SLC25A17: variants seen among roughly 807,000 people sequenced by gnomAD.
SLC25A17 encodes the protein peroxisomal membrane protein PMP34.
In SLC25A17, 26 loss-of-function variants were observed where a neutral mutation model predicts 38.5. The observed-to-expected ratio is 0.68, with a 90% CI of 0.50 to 0.94. SLC25A17 has a LOEUF of 0.94. Ranked by LOEUF, SLC25A17 falls within the 40% of genes least tolerant of loss-of-function variation. SLC25A17 has a pLI of 0.00. For missense variants in SLC25A17, 333 were observed against 372.7 expected (o/e 0.89, Z 0.88); for synonymous variants, 139 against 136.2 (o/e 1.02, Z -0.14).
intron 1 of SLC25A17, among the ~76,000 whole-genome samples, chr22:40,803,219 G>A (rs2057498627): frequency 6.6e-6 from 1 of 152,074 alleles, no homozygotes; most frequent in Non-Finnish European, 1.5e-5. Flanking sequence ...TCAGATTCCC[G>A]AGTAGCTGGA....
intron 4 of SLC25A17, among the ~76,000 whole-genome samples, chr22:40,781,816 C>T (rs2057297164): frequency 6.6e-6 from 1 of 152,158 alleles, no homozygotes; most frequent in Non-Finnish European, 1.5e-5. Flanking sequence ...CAAAGGTCAG[C>T]ATTCCACTGA....
At chr22:40,777,984 G>C (rs2057261789) in intron 5 of SLC25A17, among the ~76,000 whole-genome samples, 1 of 152,048 alleles carries the variant, frequency 6.6e-6, no homozygotes, top group African/African-American at 2.4e-5. Flanking sequence ...ACAGAACTGT[G>C]AACTGAGCCC....
chr22:40,812,062 T>C (rs993369989), intron 1 of SLC25A17, among the ~76,000 whole-genome samples: 1 of 152,026 alleles, frequency 6.6e-6, no homozygotes, highest in Non-Finnish European at 1.5e-5. Context: ...TCTTTCTTTT[T>C]AACTTATTTA....
chr22:40,818,944 G>A (rs973026136), intron 1 of SLC25A17, among the ~76,000 whole-genome samples: 1 of 152,044 alleles, frequency 6.6e-6, no homozygotes, highest in East Asian at 1.9e-4. Context: ...GACCCTGAGC[G>A]GGCACGTGTG....
intron 1 of SLC25A17, among the ~76,000 whole-genome samples, chr22:40,810,306 G>A (rs1261313251): frequency 6.6e-6 from 1 of 151,080 alleles, no homozygotes; most frequent in African/African-American, 2.4e-5. Flanking sequence ...ATATCACTAA[G>A]CTTCAACAAT....
intron 8 of SLC25A17, among the ~76,000 whole-genome samples, chr22:40,771,376 C>T (rs2145638422): frequency 6.6e-6 from 1 of 152,310 alleles, no homozygotes; most frequent in East Asian, 1.9e-4. Flanking sequence ...TCCCAAAGTG[C>T]TGGGATTACA....
chr22:40,774,232 T>C (rs1443458002), intron 7 of SLC25A17, among the ~76,000 whole-genome samples: 1 of 151,868 alleles, frequency 6.6e-6, no homozygotes, highest in African/African-American at 2.4e-5. Context: ...TTTCCTTTTT[T>C]TTTTTTTTTG....
chr22:40,786,014 C>T (rs528858710), intron 4 of SLC25A17, among the ~76,000 whole-genome samples: 16 of 152,034 alleles, frequency 1.1e-4, no homozygotes, highest in Non-Finnish European at 1.9e-4. Context: ...AGTGACAGAT[C>T]AGTTAGGAGG....
At chr22:40,816,896 C>T (rs1389967319) in intron 1 of SLC25A17, among the ~76,000 whole-genome samples, 1 of 151,972 alleles carries the variant, frequency 6.6e-6, no homozygotes, top group Non-Finnish European at 1.5e-5. Context: ...CAGGCGTGAG[C>T]CACCGCACCC....
At position 40,779,103 on chromosome 22, in the gene SLC25A17, T is replaced by C. The variant is rs780385203; in HGVS notation, c.357A>G (p.Thr119=). 3 of 1,614,216 alleles carry C rather than the reference T, an allele frequency of 1.9e-6. No homozygotes were observed. Among genetic ancestry groups the C allele is most frequent in the South Asian group, 2.2e-5 (2 of 91,074 alleles). The change falls in exon 5 of 9, where the codon ACA becomes ACG. Residue 119 remains threonine (T), a synonymous_variant. Coordinates refer to ENST00000435456, the MANE Select transcript of SLC25A17 (RefSeq NM_006358.4). ...TGGTGTTTACCACCCAGAGTGGAGT[T>C]GTTAGCAACACATTAACCACTCCTT... ...FVAGVVNVLL[T]TPLWVVNTRL...
rs567484671 is a variant in SLC25A17 at position 40,796,288 on chromosome 22, G to T, written c.116-1708C>A. Among the ~76,000 whole-genome samples the T allele has an allele frequency of 1.2e-4, 19 of 152,244 alleles. No individual in the cohort carries two copies. The East Asian group carries it at 3.7e-3, about 29-fold the overall frequency. ...ATATGCAAATTAACCAATTTCCTAA[G>T]AATTAAAATTGGTACCAGTATGGCT... is the stretch of plus-strand genomic sequence containing the variant. On this transcript the variant is annotated intron_variant, in intron 2 of 8. Coordinates refer to ENST00000435456, the MANE Select transcript of SLC25A17 (RefSeq NM_006358.4).
At chr22:40,782,187 T>G (rs2057300781) in intron 4 of SLC25A17, among the ~76,000 whole-genome samples, 1 of 151,770 alleles carries the variant, frequency 6.6e-6, no homozygotes, top group Admixed American at 6.6e-5. Context: ...ACTACTGCAC[T>G]CCAGCCCGGG....
chr22:40,811,702 T>C (rs2057583051), intron 1 of SLC25A17, among the ~76,000 whole-genome samples: 1 of 152,046 alleles, frequency 6.6e-6, no homozygotes. Flanking sequence ...GAGGCGTGGG[T>C]ACCAGGCTCT....
chr22:40,813,132 C>T (rs2057599927), intron 1 of SLC25A17, among the ~76,000 whole-genome samples: 1 of 152,096 alleles, frequency 6.6e-6, no homozygotes, highest in Non-Finnish European at 1.5e-5. Flanking sequence ...AGGTTTACGT[C>T]CCAAGTATAG....
chr22:40,795,923 G>T (rs1347979243), intron 2 of SLC25A17, among the ~76,000 whole-genome samples: 3 of 152,212 alleles, frequency 2.0e-5, no homozygotes, highest in East Asian at 3.9e-4. Flanking sequence ...GAGTAGCTGG[G>T]ATTACAGGCT....
rs1406516873 is a variant in SLC25A17 at position 40,812,263 on chromosome 22, G to C, written c.54+6932C>G. On this transcript the variant is annotated intron_variant, in intron 1 of 8. Coordinates refer to ENST00000435456, the MANE Select transcript of SLC25A17 (RefSeq NM_006358.4). ...GGCTACTTACTAAAAAAAAAAGATG[G>C]TTTATTCATTCTGGGCTATATCTCT... is the stretch of plus-strand genomic sequence containing the variant. 2.0e-5 allele frequency among the ~76,000 whole-genome samples: 3 copies of C among 152,168 alleles called. No individual in the cohort carries two copies. In the East Asian group the frequency reaches 5.8e-4, roughly 29 times the overall value.
At chr22:40,799,138 CTTTT>C in intron 1 of SLC25A17, 55 bp from the exon 2 acceptor site, 4 of 1,127,640 alleles carry the variant, frequency 3.5e-6, no homozygotes, top group Non-Finnish European at 5.0e-6. Context: ...TAAGTCACAA[CTTTT>C]TTTTTTTGAG....
chr22:40,792,423 C>T (rs1343740110), intron 4 of SLC25A17, 102 bp downstream of exon 4: 1 of 899,658 alleles, frequency 1.1e-6, no homozygotes, highest in Non-Finnish European at 1.6e-6. Context: ...GGAAAACTGG[C>T]TATATTCTTT....
In SLC25A17 at chr22:40,772,645, T is replaced by A. The variant is rs6002122; in HGVS notation, c.776+1292A>T. On this transcript the variant is annotated intron_variant, in intron 8 of 8. Coordinates refer to ENST00000435456, the MANE Select transcript of SLC25A17 (RefSeq NM_006358.4). Reference sequence around the variant, plus strand: ...CCCTTGAATGTTCTTTTTTTTTTTTTATTTTTTTTATACAAGGTCTTGCCT... The same window carrying A: ...CCCTTGAATGTTCTTTTTTTTTTTTAATTTTTTTTATACAAGGTCTTGCCT... 3.7e-3 allele frequency among the ~76,000 whole-genome samples: 558 copies of A among 152,030 alleles called. 4 individuals are homozygous for A. The highest frequency in any genetic ancestry group is 0.013 in the African/African-American group (536 of 41,490).
Sources: allele counts gnomAD v4.1 joint callset (sites outside exome capture counted in the v4.1 genomes callset), GRCh38; gene constraint gnomAD v4.1.1; transcripts MANE v1.5; gene names NCBI Gene and HGNC (gene_info 2026-07-23, HGNC 2026-07-21).